The following DLG2 variants were observed in gnomAD, a reference collection of about 807,000 sequenced individuals.
The protein encoded by DLG2 is discs large MAGUK scaffold protein 2, also known as disks large homolog 2.
Under a neutral mutation model 132.5 loss-of-function variants are expected in DLG2, and 45 were observed. That is an observed-to-expected ratio of 0.34 (90% CI 0.27 to 0.44). The LOEUF (loss-of-function observed/expected upper bound fraction) is 0.44. Ranked by LOEUF, DLG2 falls within the 20% of genes least tolerant of loss-of-function variation. The pLI is 1.00. For missense variants in DLG2, 1,045 were observed against 1,196.9 expected, an observed-to-expected ratio of 0.87 and a Z score of 1.87; for synonymous variants, 424 against 419.6, an observed-to-expected ratio of 1.01 and a Z score of -0.13.
At chr11:84,326,839 C>A (rs2098435482) in intron 7 of DLG2, among the ~76,000 whole-genome samples, 1 of 152,096 alleles carries the variant, frequency 6.6e-6, no homozygotes, top group Admixed American at 6.6e-5. Context: ...ATAATATTGA[C>A]TTGCTCTGTA....
At chr11:85,072,733 A>T (rs1164093257) in intron 6 of DLG2, among the ~76,000 whole-genome samples, 2 of 151,888 alleles carry the variant, frequency 1.3e-5, no homozygotes, top group African/African-American at 4.8e-5. Flanking sequence ...TCCAAAGCCC[A>T]TAATAAATAC....
chr11:84,550,954 T>C (rs1275451635), intron 6 of DLG2, among the ~76,000 whole-genome samples: 1 of 152,128 alleles, frequency 6.6e-6, no homozygotes, highest in Non-Finnish European at 1.5e-5. Flanking sequence ...AGCTGTCCTT[T>C]CTATGGGAAG....
intron 21 of DLG2, among the ~76,000 whole-genome samples, chr11:83,496,230 A>G (rs1449925278): frequency 6.6e-6 from 1 of 151,426 alleles, no homozygotes; most frequent in Non-Finnish European, 1.5e-5. Context: ...TATGAAAAAC[A>G]TCATTAGTCA....
At chr11:84,100,308 G>GAT (rs1237232904) in intron 9 of DLG2, among the ~76,000 whole-genome samples, 9 of 125,368 alleles carry the variant, frequency 7.2e-5, no homozygotes, top group Admixed American at 8.4e-5. Context: ...ATATATAAAG[G>GAT]ATATATATAT....
intron 6 of DLG2, among the ~76,000 whole-genome samples, chr11:85,002,517 T>A (rs2058305467): frequency 6.6e-6 from 1 of 152,192 alleles, no homozygotes; most frequent in African/African-American, 2.4e-5. Flanking sequence ...ATCTTTAATT[T>A]GGCCTTTTCC....
intron 19 of DLG2, among the ~76,000 whole-genome samples, chr11:83,583,772 T>C (rs1452181289): frequency 1.3e-5 from 2 of 152,216 alleles, no homozygotes; most frequent in Non-Finnish European, 2.9e-5. Flanking sequence ...GTTGTTCAAT[T>C]GATATGTTTC....
chr11:84,976,430 TAATA>T (rs1216311818), intron 6 of DLG2, among the ~76,000 whole-genome samples: 4 of 152,170 alleles, frequency 2.6e-5, no homozygotes, highest in African/African-American at 9.6e-5. Context: ...GTACTTGTGA[TAATA>T]AATCATATTC....
At chr11:83,548,433 G>A (rs765526692) in intron 19 of DLG2, among the ~76,000 whole-genome samples, 23 of 152,128 alleles carry the variant, frequency 1.5e-4, no homozygotes, top group Admixed American at 2.6e-4. Flanking sequence ...AAGCAAATTT[G>A]TCACGGCAGT....
intron 6 of DLG2, among the ~76,000 whole-genome samples, chr11:84,770,414 C>G (rs905129932): frequency 6.6e-6 from 1 of 151,900 alleles, no homozygotes; most frequent in African/African-American, 2.4e-5. Context: ...ACCAAGGTAC[C>G]AGGCCTAGTA....
At chr11:84,593,471 G>C (rs188163950) in intron 6 of DLG2, among the ~76,000 whole-genome samples, 1 of 152,220 alleles carries the variant, frequency 6.6e-6, no homozygotes, top group East Asian at 1.9e-4. Flanking sequence ...CCATAAAAAA[G>C]GATGAGTTTA....
chr11:85,513,069 T>C (rs1389599893), intron 3 of DLG2, among the ~76,000 whole-genome samples: 1 of 152,100 alleles, frequency 6.6e-6, no homozygotes, highest in Non-Finnish European at 1.5e-5. Flanking sequence ...GAGGCCATTA[T>C]TCTAAGTGAA....
At chr11:84,910,370 AT>A (rs1332228779) in intron 6 of DLG2, among the ~76,000 whole-genome samples, 2 of 152,110 alleles carry the variant, frequency 1.3e-5, no homozygotes, top group African/African-American at 4.8e-5. Flanking sequence ...CATTACCTGA[AT>A]TTTTTTCTTG....
At chr11:84,570,016 A>G (rs181460207) in intron 6 of DLG2, among the ~76,000 whole-genome samples, 4 of 152,290 alleles carry the variant, frequency 2.6e-5, no homozygotes, top group African/African-American at 9.6e-5. Context: ...GGTGGTGAAT[A>G]GCTGGGTGCA....
At position 83,667,806 on chromosome 11, in the gene DLG2, C is replaced by T. The variant is rs566572846; in HGVS notation, c.1826-34481G>A. On this transcript the variant is annotated intron_variant, in intron 18 of 27. Transcript: ENST00000376104. ...CATCCTAGCTAACACGGTGAAACCC[C>T]GTCTGTACTAAAAATACAAAAATTA... 1.5e-4 allele frequency among the ~76,000 whole-genome samples: 22 copies of T among 151,572 alleles called. 3 individuals carry two copies. In the East Asian group the frequency reaches 4.1e-3, roughly 28 times the overall value.
At chr11:84,572,051 T>G (rs148885557) in intron 6 of DLG2, among the ~76,000 whole-genome samples, 118 of 152,108 alleles carry the variant, frequency 7.8e-4, no homozygotes, top group African/African-American at 2.8e-3. Context: ...TTCTAGATTT[T>G]TTTTTTTTAT....
intron 3 of DLG2, among the ~76,000 whole-genome samples, chr11:85,564,959 G>A (rs2077448132): frequency 6.6e-6 from 1 of 151,916 alleles, no homozygotes; most frequent in Admixed American, 6.6e-5. Context: ...TCTTGATTTT[G>A]TTAAATCTAT....
At chr11:85,494,831 T>C (rs921467907) in intron 3 of DLG2, among the ~76,000 whole-genome samples, 3 of 151,564 alleles carry the variant, frequency 2.0e-5, no homozygotes, top group Non-Finnish European at 2.9e-5. Flanking sequence ...TAACATTAGA[T>C]TGTAGAATAT....
At chr11:84,886,703 T>C (rs917335134) in intron 6 of DLG2, among the ~76,000 whole-genome samples, 2 of 152,266 alleles carry the variant, frequency 1.3e-5, no homozygotes, top group African/African-American at 4.8e-5. Flanking sequence ...GAACCAATAA[T>C]AACATAGACA....
At chr11:84,854,618 G>A (rs553592490) in intron 6 of DLG2, among the ~76,000 whole-genome samples, 15 of 152,004 alleles carry the variant, frequency 9.9e-5, no homozygotes, top group Non-Finnish European at 1.3e-4. Context: ...TTGTACTCAC[G>A]GGGAATTCCA....
Sources: gnomAD v4.1 joint callset for allele counts (sites outside exome capture counted in the v4.1 genomes callset) on GRCh38, gnomAD v4.1.1 for gene constraint, MANE v1.5 for transcripts, NCBI Gene and HGNC (gene_info 2026-07-23, HGNC 2026-07-21) for gene names.